Variants in TPST1 observed in about 807,000 individuals in gnomAD.
TPST1 encodes the protein tyrosylprotein sulfotransferase 1.
TPST1 carries 20 observed loss-of-function variants against 34.8 expected under a neutral mutation model. The ratio of observed to expected loss-of-function variants is 0.57; its 90% CI spans 0.40 to 0.84. The LOEUF (loss-of-function observed/expected upper bound fraction) is 0.84. TPST1 is among the 40% of genes least tolerant of loss of function. The pLI is 0.00. For synonymous variants in TPST1, 152 were observed against 159.4 expected (o/e 0.95, Z 0.35); for missense variants, 353 against 455.5 (o/e 0.78, Z 2.05).
intron 2 of TPST1, among the ~76,000 whole-genome samples, chr7:66,271,777 T>C (rs1421652873): frequency 6.6e-6 from 1 of 152,184 alleles, no homozygotes; most frequent in African/African-American, 2.4e-5. Flanking sequence ...CATATCCATA[T>C]CGTATATGTA....
intron 1 of TPST1, among the ~76,000 whole-genome samples, chr7:66,210,714 A>G (rs1001954859): frequency 6.6e-6 from 1 of 152,318 alleles, no homozygotes; most frequent in African/African-American, 2.4e-5. Flanking sequence ...CTGTAATCCC[A>G]GAGTTTGGGC....
At chr7:66,358,089 A>G (rs1792618941) in intron 5 of TPST1, among the ~76,000 whole-genome samples, 1 of 152,022 alleles carries the variant, frequency 6.6e-6, no homozygotes, top group East Asian at 1.9e-4. Context: ...CGTCTCAAAA[A>G]AAAAAAATTG....
chr7:66,352,729 A>G, intron 4 of TPST1, 174 bp downstream of exon 4: 1 of 985,446 alleles, frequency 1.0e-6, no homozygotes, highest in Non-Finnish European at 1.2e-6. Flanking sequence ...GGACTTGTTG[A>G]TTTTAACAAT....
intron 5 of TPST1, among the ~76,000 whole-genome samples, chr7:66,357,329 A>G (rs1792601380): frequency 6.6e-6 from 1 of 152,178 alleles, no homozygotes; most frequent in Non-Finnish European, 1.5e-5. Flanking sequence ...TTACCTGTTC[A>G]GCCAGGGCCC....
At chr7:66,272,778 G>A (rs1156316735) in intron 2 of TPST1, among the ~76,000 whole-genome samples, 1 of 151,824 alleles carries the variant, frequency 6.6e-6, no homozygotes, top group Non-Finnish European at 1.5e-5. Flanking sequence ...ATAGAGTTGG[G>A]GTTTTGCCAT....
At chr7:66,226,133 C>T (rs974780251) in intron 1 of TPST1, among the ~76,000 whole-genome samples, 4 of 151,994 alleles carry the variant, frequency 2.6e-5, no homozygotes, top group South Asian at 2.1e-4. Flanking sequence ...GTGATCCGCC[C>T]GCCTCAGCCT....
intron 2 of TPST1, among the ~76,000 whole-genome samples, chr7:66,270,487 CT>C (rs1276918700): frequency 6.6e-6 from 1 of 152,178 alleles, no homozygotes; most frequent in African/African-American, 2.4e-5. Context: ...TACTCTGCTT[CT>C]TTATACTTTT....
At chr7:66,264,648 C>G (rs1423720192) in intron 2 of TPST1, among the ~76,000 whole-genome samples, 1 of 152,088 alleles carries the variant, frequency 6.6e-6, no homozygotes, top group African/African-American at 2.4e-5. Context: ...TTGAAACAAA[C>G]AACTACAACA....
chr7:66,265,340 AAG>A (rs1790569003), intron 2 of TPST1, among the ~76,000 whole-genome samples: 1 of 152,140 alleles, frequency 6.6e-6, no homozygotes, highest in Admixed American at 6.5e-5. Flanking sequence ...TCTTGAGCCC[AAG>A]AGTTTGAGAC....
intron 4 of TPST1, among the ~76,000 whole-genome samples, chr7:66,354,565 T>A (rs1275765984): frequency 7.0e-6 from 1 of 143,400 alleles, no homozygotes; most frequent in South Asian, 2.2e-4. Flanking sequence ...CAAAAGCCGG[T>A]TTGCATAACA....
At chr7:66,252,040 T>A (rs781273261) in intron 2 of TPST1, among the ~76,000 whole-genome samples, 1 of 152,158 alleles carries the variant, frequency 6.6e-6, no homozygotes, top group Non-Finnish European at 1.5e-5. Context: ...TTATGAGCAG[T>A]ATGCATATTC....
Position 66,315,748 on chromosome 7 carries a change from G to C in TPST1, c.1044+29039G>C, listed in dbSNP as rs182032468. Among the ~76,000 whole-genome samples, 335 of 152,250 alleles carry C rather than the reference G, an allele frequency of 2.2e-3. 1 individual carries two copies. Among genetic ancestry groups the C allele is most frequent in the Non-Finnish European group, 3.8e-3 (261 of 68,028 alleles). On this transcript the variant is annotated intron_variant, in intron 3 of 5. Transcript: ENST00000304842. ...CCAACAGTCTAATGGAATTACGGAG[G>C]GAGTAGGGGTGATGGTGGGGTAACA...
At chr7:66,199,954 TCTC>T in the TPST1 span, among the ~76,000 whole-genome samples, 1 of 151,592 alleles carries the variant, frequency 6.6e-6, no homozygotes, top group African/African-American at 2.4e-5. Flanking sequence ...ATGGTCTTGA[TCTC>T]CTCACCTCGT....
intron 3 of TPST1, among the ~76,000 whole-genome samples, chr7:66,351,733 TTTA>T (rs1320863106): frequency 6.6e-6 from 1 of 152,084 alleles, no homozygotes; most frequent in African/African-American, 2.4e-5. Context: ...AATGGCTATC[TTTA>T]TTATATTAAA....
At chr7:66,348,939 T>C (rs1398376266) in intron 3 of TPST1, among the ~76,000 whole-genome samples, 1 of 152,354 alleles carries the variant, frequency 6.6e-6, no homozygotes, top group South Asian at 2.1e-4. Context: ...AGGTTTTTTT[T>C]TTCTTCTTCA....
chr7:66,243,431 A>G lies in TPST1; in HGVS notation c.845+2161A>G, dbSNP rs142682636. ...GAGCTGCTTTGGTTGAGGTGAGTCT[A>G]AACTAGACCATATTTCCTTCTTTTG... On this transcript the variant is annotated intron_variant, in intron 2 of 5. Transcript: ENST00000304842. Among the ~76,000 whole-genome samples the G allele has an allele frequency of 5.9e-3, 901 of 152,148 alleles. 5 individuals carry two copies. Among genetic ancestry groups the G allele is most frequent in the African/African-American group, 0.021 (866 of 41,528 alleles).
intron 3 of TPST1, among the ~76,000 whole-genome samples, chr7:66,315,495 G>C (rs1464825242): frequency 6.6e-6 from 1 of 152,246 alleles, no homozygotes; most frequent in Non-Finnish European, 1.5e-5. Flanking sequence ...GAAAGCCTGG[G>C]TGATGCAATC....
chr7:66,328,886 C>CTCTCTATATATATATA (rs757168858), intron 3 of TPST1, among the ~76,000 whole-genome samples: 3 of 22,096 alleles, frequency 1.4e-4, no homozygotes, highest in East Asian at 9.6e-4. Context: ...CTCTCTCTCT[C>CTCTCTATATATATATA]TATATATATA....
intron 3 of TPST1, among the ~76,000 whole-genome samples, chr7:66,323,268 C>T (rs149855431): frequency 2.6e-4 from 39 of 152,302 alleles, no homozygotes; most frequent in African/African-American, 7.9e-4. Context: ...TCTCGGACTC[C>T]TGAGCTCAGG....
Sources: allele counts gnomAD v4.1 joint callset (sites outside exome capture counted in the v4.1 genomes callset), GRCh38; gene constraint gnomAD v4.1.1; transcripts MANE v1.5; gene names NCBI Gene and HGNC (gene_info 2026-07-23, HGNC 2026-07-21).